THSD4: variants seen among roughly 807,000 people sequenced by gnomAD.
The protein encoded by THSD4 is thrombospondin type 1 domain containing 4.
THSD4 carries 69 observed loss-of-function variants against 119.0 expected under a neutral mutation model. That is an observed-to-expected ratio of 0.58 (90% CI 0.48 to 0.71). The LOEUF is 0.71. Ranked by LOEUF, THSD4 falls within the 30% of genes least tolerant of loss-of-function variation. The pLI is 0.00. For missense variants in THSD4, 1,393 were observed against 1,391.1 expected (o/e 1.00, Z -0.02); for synonymous variants, 524 against 540.4 (o/e 0.97, Z 0.42).
intron 7 of THSD4, among the ~76,000 whole-genome samples, chr15:71,622,326 A>G (rs1244909543): frequency 1.3e-5 from 2 of 152,234 alleles, no homozygotes; most frequent in Non-Finnish European, 2.9e-5. Flanking sequence ...AAGCTGCTAG[A>G]GAGTTTCTGT....
chr15:71,560,978 T>A (rs914138488), intron 7 of THSD4, among the ~76,000 whole-genome samples: 24 of 148,330 alleles, frequency 1.6e-4, no homozygotes, highest in Non-Finnish European at 2.8e-4. Flanking sequence ...ATCTTTTTTT[T>A]TTTTTTTTTT....
chr15:71,677,188 TG>T (rs1410278809), intron 8 of THSD4, among the ~76,000 whole-genome samples: 1 of 152,246 alleles, frequency 6.6e-6, no homozygotes, highest in Non-Finnish European at 1.5e-5. Flanking sequence ...GATGCTGCGC[TG>T]GGCTTTGTTA....
intron 6 of THSD4, among the ~76,000 whole-genome samples, chr15:71,383,748 C>A (rs1596386655): frequency 1.3e-5 from 2 of 152,142 alleles, no homozygotes; most frequent in Admixed American, 6.5e-5. Context: ...AAGAAAAAAA[C>A]AATACAATCG....
At chr15:71,607,419 G>T (rs1037871091) in intron 7 of THSD4, among the ~76,000 whole-genome samples, 1 of 152,220 alleles carries the variant, frequency 6.6e-6, no homozygotes, top group East Asian at 1.9e-4. Flanking sequence ...CTCCTTTGAC[G>T]AACTGCCAAG....
intron 3 of THSD4, among the ~76,000 whole-genome samples, chr15:71,199,805 T>TGTGTGTAGTGTGTGTGG (rs1567154949): frequency 6.1e-4 from 26 of 42,454 alleles, no homozygotes; most frequent in African/African-American, 1.1e-3. Context: ...GTGTGTGCTG[T>TGTGTGTAGTGTGTGTGG]GTGTGTGTGA....
intron 6 of THSD4, among the ~76,000 whole-genome samples, chr15:71,336,972 C>G (rs1178411028): frequency 1.3e-5 from 2 of 152,108 alleles, no homozygotes; most frequent in African/African-American, 4.8e-5. Flanking sequence ...GCACAGTTTA[C>G]TTGAGGGCCT....
At chr15:71,619,115 G>A (rs953428056) in intron 7 of THSD4, among the ~76,000 whole-genome samples, 3 of 151,656 alleles carry the variant, frequency 2.0e-5, no homozygotes, top group African/African-American at 7.3e-5. Context: ...GATTACAGGT[G>A]CCCACCACCA....
chr15:71,384,722 T>G (rs1467737983), intron 6 of THSD4, among the ~76,000 whole-genome samples: 2 of 152,206 alleles, frequency 1.3e-5, no homozygotes. Flanking sequence ...CTTCTTAAAG[T>G]GCAGTGCCGT....
intron 7 of THSD4, among the ~76,000 whole-genome samples, chr15:71,638,553 T>C (rs1033978053): frequency 6.6e-6 from 1 of 152,224 alleles, no homozygotes; most frequent in Non-Finnish European, 1.5e-5. Flanking sequence ...AGAGAAAATC[T>C]TTTTAAGCAA....
intron 7 of THSD4, among the ~76,000 whole-genome samples, chr15:71,464,413 C>T (rs2047471436): frequency 6.6e-6 from 1 of 151,838 alleles, no homozygotes; most frequent in African/African-American, 2.4e-5. Context: ...CTTTTTTTCT[C>T]CCTGACTGGT....
intron 6 of THSD4, among the ~76,000 whole-genome samples, chr15:71,361,861 TAA>T (rs1023849535): frequency 1.3e-5 from 2 of 152,154 alleles, no homozygotes; most frequent in Admixed American, 6.5e-5. Flanking sequence ...GTCACCAAAA[TAA>T]AGTGTTGAGT....
chr15:71,617,955 C>A (rs907847944), intron 7 of THSD4, among the ~76,000 whole-genome samples: 4 of 152,162 alleles, frequency 2.6e-5, no homozygotes, highest in African/African-American at 9.7e-5. Flanking sequence ...TTTACCAATT[C>A]CCCCCTGGCT....
At chr15:71,145,643 G>GT (rs1340606175) in intron 2 of THSD4, among the ~76,000 whole-genome samples, 2 of 152,224 alleles carry the variant, frequency 1.3e-5, no homozygotes, top group Non-Finnish European at 2.9e-5. Flanking sequence ...GAAGAAAGGG[G>GT]TTAAGAAAAC....
chr15:71,376,025 T>G (rs1408046852), intron 6 of THSD4, among the ~76,000 whole-genome samples: 3 of 152,242 alleles, frequency 2.0e-5, no homozygotes, highest in Non-Finnish European at 4.4e-5. Context: ...TGATTATGCA[T>G]AACAAATAGA....
chr15:71,679,295 G>A (rs919037856), intron 8 of THSD4, among the ~76,000 whole-genome samples: 12 of 152,328 alleles, frequency 7.9e-5, no homozygotes, highest in African/African-American at 2.9e-4. Flanking sequence ...GGCTTGTAGA[G>A]CAGGGGCTGG....
chr15:71,477,254 GTCT>G (rs748769616), intron 7 of THSD4, among the ~76,000 whole-genome samples: 7 of 152,216 alleles, frequency 4.6e-5, no homozygotes, highest in Non-Finnish European at 8.8e-5. Flanking sequence ...ATCAGACGGG[GTCT>G]TCTTCTGTTT....
At position 71,728,687 on chromosome 15, in the gene THSD4, T is replaced by C. The variant is rs2052913799; in HGVS notation, c.1496T>C (p.Leu499Ser). Reference protein sequence around the residue: ...EISSTAGESFLAEGPTNEILD... With the variant: ...EISSTAGESFSAEGPTNEILD... ...TCGAGCACTGCCGGAGAGTCCTTTT[T>C]GGCGGAAGGTCCCACCAACGAGATC... The change falls in exon 9 of 18, where the codon TTG (leucine) becomes TCG (serine). Residue 499 changes from leucine to serine, a missense_variant. Transcript: ENST00000261862. 1 of 1,614,110 alleles carries C rather than the reference T, an allele frequency of 6.2e-7. No homozygotes were observed. The highest frequency in any genetic ancestry group is 2.2e-5 in the East Asian group (1 of 44,902).
intron 6 of THSD4, among the ~76,000 whole-genome samples, chr15:71,290,090 G>A (rs1283366624): frequency 6.6e-6 from 1 of 152,136 alleles, no homozygotes; most frequent in African/African-American, 2.4e-5. Flanking sequence ...AGATGGAATC[G>A]GGAGAAGTGT....
At chr15:71,465,655 A>G (rs1412560611) in intron 7 of THSD4, among the ~76,000 whole-genome samples, 1 of 152,136 alleles carries the variant, frequency 6.6e-6, no homozygotes, top group African/African-American at 2.4e-5. Flanking sequence ...TATCAAGCAA[A>G]CCTCGTCTGT....
Sources: gnomAD v4.1 joint callset for allele counts (sites outside exome capture counted in the v4.1 genomes callset) on GRCh38, gnomAD v4.1.1 for gene constraint, MANE v1.5 for transcripts, NCBI Gene and HGNC (gene_info 2026-07-23, HGNC 2026-07-21) for gene names.